UPF1: variants seen among roughly 807,000 people sequenced by gnomAD.
UPF1 encodes regulator of nonsense transcripts 1.
Under a neutral mutation model 129.2 loss-of-function variants are expected in UPF1, and 9 were observed. The observed-to-expected ratio is 0.07, with a 90% CI of 0.04 to 0.12. The LOEUF (loss-of-function observed/expected upper bound fraction) is 0.12. Among genes scored for constraint, UPF1 ranks in the 10% least tolerant of loss-of-function variants. UPF1 has a pLI of 1.00. For synonymous variants in UPF1, 649 were observed against 644.9 expected (o/e 1.01, Z -0.10); for missense variants, 788 against 1,525.3 (o/e 0.52, Z 8.05).
Position 18,851,842 on chromosome 19 carries a change from C to T in UPF1, c.811-293C>T, listed in dbSNP as rs1336741414. 1.3e-5 allele frequency among the ~76,000 whole-genome samples: 2 copies of T among 152,240 alleles called. No homozygotes were observed. Among genetic ancestry groups the T allele is most frequent in the East Asian group, 3.8e-4 (2 of 5,198 alleles). On this transcript the variant is annotated intron_variant, in intron 5 of 23. Coordinates refer to ENST00000262803, the MANE Select transcript of UPF1 (RefSeq NM_002911.4). The surrounding 1 kb of genome is among the most constrained non-coding windows in gnomAD (Gnocchi z 4.2). ...TGTGGACAGTGTGTCAGGCTGGTGC[C>T]TGGGGCTTTGTAGGCAGGTTCACCC...
chr19:18,849,523 T>C (rs1057428482), intron 3 of UPF1: 1 of 167,152 alleles, frequency 6.0e-6, no homozygotes, highest in African/African-American at 2.4e-5. Flanking sequence ...CCTGGGCTTC[T>C]GTAGAACCGC....
chr19:18,846,050 C>T lies in UPF1; in HGVS notation c.302C>T (p.Ala101Val), dbSNP rs569348059. ...DSVAKTSQLL[A>V]ELNFEEDEED... ...GTAGCCAAGACCAGCCAGTTGTTGG[C>T]TGAGTTGAACTTCGAGGAAGATGAA... is the stretch of plus-strand genomic sequence containing the variant. Residue 101 changes from alanine to valine, a missense_variant, in exon 2 of 24, where the codon GCT becomes GTT. Transcript: ENST00000262803. 2 of 1,614,182 alleles carry T rather than the reference C, an allele frequency of 1.2e-6. No homozygotes were observed. Among genetic ancestry groups the T allele is most frequent in the East Asian group, 4.5e-5 (2 of 44,884 alleles).
chr19:18,854,984 C>T lies in UPF1; in HGVS notation c.1371C>T (p.Cys457=), dbSNP rs1340014038. ...AGGTGGAGGACGTAATCATCAAGTGCCAGCTGCCCAAGCGCTTCACGGCGC... is the reference window on the plus strand; with the variant it reads ...AGGTGGAGGACGTAATCATCAAGTGTCAGCTGCCCAAGCGCTTCACGGCGC... ...GHEVEDVIIK[C]QLPKRFTAQG... The change falls in exon 10 of 24, where the codon TGC becomes TGT. Residue 457 remains cysteine (C), a synonymous_variant. Coordinates refer to ENST00000262803, the MANE Select transcript of UPF1 (RefSeq NM_002911.4). 6.2e-7 allele frequency: 1 copy of T among 1,614,074 alleles called. No homozygotes were observed. The highest frequency in any genetic ancestry group is 1.7e-5 in the Admixed American group (1 of 60,018).
intron 1 of UPF1, among the ~76,000 whole-genome samples, chr19:18,843,671 CT>C (rs2055566257): frequency 6.7e-6 from 1 of 149,914 alleles, no homozygotes; most frequent in East Asian, 2.0e-4. Context: ...CCCAGCTAAT[CT>C]TTTGTATTTT....
rs1568276400 is a variant in UPF1 at position 18,852,201 on chromosome 19, C to T, written c.877C>T (p.Leu293Phe). 1 of 1,613,696 alleles carries T rather than the reference C, an allele frequency of 6.2e-7. No individual in the cohort carries two copies. The highest frequency in any genetic ancestry group is 1.7e-5 in the Admixed American group (1 of 59,968). Residue 293 changes from leucine (L) to phenylalanine (F), a missense_variant, in exon 6 of 24, where the codon CTC (leucine) becomes TTC (phenylalanine). Coordinates refer to ENST00000262803, the MANE Select transcript of UPF1 (RefSeq NM_002911.4). Reference protein sequence around the residue: ...PGVDEEPQHVLLRYEDAYQYQ... With the variant: ...PGVDEEPQHVFLRYEDAYQYQ... ...GGTGGACGAGGAGCCGCAGCATGTCCTCCTGCGGTACGAGGACGCCTACCA... is the reference window on the plus strand; with the variant it reads ...GGTGGACGAGGAGCCGCAGCATGTCTTCCTGCGGTACGAGGACGCCTACCA...
At position 18,840,733 on chromosome 19, in the gene UPF1, A is replaced by G. The variant is rs2055532367; in HGVS notation, c.232-5247A>G. On this transcript the variant is annotated intron_variant, in intron 1 of 23. Coordinates refer to ENST00000262803, the MANE Select transcript of UPF1 (RefSeq NM_002911.4). ...GCTCTCCTTGCTGGAGCACATACCT[A>G]TGAGAGCAAAGTTCTGCTTTCTCTG... Among the ~76,000 whole-genome samples, 6 of 152,104 alleles carry G rather than the reference A, an allele frequency of 3.9e-5. No individual in the cohort carries two copies. In the South Asian group the frequency reaches 6.2e-4, roughly 16 times the overall value.
chr19:18,846,238 C>G, intron 2 of UPF1, 119 bp downstream of exon 2: 1 of 1,433,502 alleles, frequency 7.0e-7, no homozygotes, highest in Non-Finnish European at 9.4e-7. Context: ...CTCTGGGTGG[C>G]GGTGTCCTCG....
chr19:18,859,361 G>A (rs1017811615), intron 15 of UPF1: 6 of 152,222 alleles, frequency 3.9e-5, no homozygotes, highest in Non-Finnish European at 7.3e-5. Flanking sequence ...ACAAGTGTCT[G>A]GCTCAATGAG....
intron 13 of UPF1, 70 bp downstream of exon 13, chr19:18,856,370 C>A: frequency 7.1e-7 from 1 of 1,416,734 alleles, no homozygotes. Context: ...TGGGCCAAAG[C>A]ACCTATTTGA....
chr19:18,846,158 A>G (rs377071175), intron 2 of UPF1, 39 bp downstream of exon 2: 1 of 1,610,876 alleles, frequency 6.2e-7, no homozygotes, highest in South Asian at 1.1e-5. Flanking sequence ...TGTGCTGGAC[A>G]GGTGGGTGCC....
At chr19:18,846,238 C>T (rs1354391521) in intron 2 of UPF1, 119 bp downstream of exon 2, 22 of 1,433,376 alleles carry the variant, frequency 1.5e-5, no homozygotes, top group Non-Finnish European at 2.0e-5. Flanking sequence ...CTCTGGGTGG[C>T]GGTGTCCTCG....
intron 1 of UPF1, among the ~76,000 whole-genome samples, chr19:18,844,241 G>A (rs1296899435): frequency 7.4e-6 from 1 of 134,526 alleles, no homozygotes; most frequent in African/African-American, 2.7e-5. Context: ...TCTAGGATAC[G>A]TCTTTAAATA....
rs1208398181 is a variant in UPF1 at position 18,850,333 on chromosome 19, C to T, written c.629+91C>T. On this transcript the variant is annotated intron_variant, in intron 4 of 23. Transcript: ENST00000262803. The surrounding 1 kb of genome is among the most constrained non-coding windows in gnomAD (Gnocchi z 7.1). ...GGCCCAGCCCAGCCCAGCCGTGGCT[C>T]TAACTCCAGGGAGTTGTCCTCCAAA... 6.8e-7 allele frequency: 1 copy of T among 1,479,830 alleles called. No homozygotes were observed. Among genetic ancestry groups the T allele is most frequent in the African/African-American group, 1.4e-5 (1 of 70,574 alleles). The allele number at this position is 1,479,830 out of a possible 1,614,324, so 91.7% of individuals were successfully genotyped here.
At position 18,854,595 on chromosome 19, in the gene UPF1, A is replaced by G. The variant is rs1568277954; in HGVS notation, c.1157-6A>G. The G allele has an allele frequency of 2.5e-6, 4 of 1,604,812 alleles. No homozygotes were observed. The highest frequency in any genetic ancestry group is 1.1e-5 in the South Asian group (1 of 90,468). ...GACAAGGATGCAAACTTAACTCAGC[A>G]CACAGATTATGGCGATGAGATCGCC... is the stretch of plus-strand genomic sequence containing the variant. On this transcript the variant is annotated splice_region_variant and splice_polypyrimidine_tract_variant and intron_variant, in intron 8 of 23. Coordinates refer to ENST00000262803, the MANE Select transcript of UPF1 (RefSeq NM_002911.4).
chr19:18,852,741 C>T (rs1009692708), intron 6 of UPF1, among the ~76,000 whole-genome samples: 4 of 151,670 alleles, frequency 2.6e-5, no homozygotes, highest in African/African-American at 9.7e-5. Context: ...TCCCTGGCCA[C>T]GGAGGCCTCT....
In UPF1 at chr19:18,853,642, G is replaced by A. The variant is rs1042616697; in HGVS notation, c.1156+292G>A. On this transcript the variant is annotated intron_variant, in intron 8 of 23. Transcript: ENST00000262803. This position sits in a 1 kb window ranked among gnomAD's most constrained non-coding sequence, Gnocchi z 4.4. ...GGAAGTTAATGTATGCCGCTTGTGT[G>A]GCACGTCCCTGGACTGACTCTGGAG... Among the ~76,000 whole-genome samples, 6 of 152,334 alleles carry A rather than the reference G, an allele frequency of 3.9e-5. No individual in the cohort carries two copies. Among genetic ancestry groups the A allele is most frequent in the African/African-American group, 1.4e-4 (6 of 41,570 alleles).
intron 17 of UPF1, among the ~76,000 whole-genome samples, chr19:18,861,675 A>T (rs1436033844): frequency 6.6e-6 from 1 of 152,158 alleles, no homozygotes; most frequent in African/African-American, 2.4e-5. Context: ...TCCACCAAAA[A>T]AAAATAATAA....
At chr19:18,854,274 T>TC (rs1294905490) in intron 8 of UPF1, among the ~76,000 whole-genome samples, 1 of 152,208 alleles carries the variant, frequency 6.6e-6, no homozygotes, top group Non-Finnish European at 1.5e-5. Flanking sequence ...ATGTGGCTGC[T>TC]CCCTGCTGGT....
At chr19:18,863,819 G>C (rs1168646353) in intron 19 of UPF1, among the ~76,000 whole-genome samples, 1 of 152,156 alleles carries the variant, frequency 6.6e-6, no homozygotes, top group African/African-American at 2.4e-5. Context: ...GCTAAGTCCT[G>C]GGTGGCCTCT....
Sources: allele counts gnomAD v4.1 joint callset (sites outside exome capture counted in the v4.1 genomes callset), GRCh38; gene constraint gnomAD v4.1.1; non-coding constraint Gnocchi (gnomAD v3.1); transcripts MANE v1.5; gene names NCBI Gene and HGNC (gene_info 2026-07-23, HGNC 2026-07-21).